Variants in ATP11A observed in about 807,000 individuals in gnomAD.
ATP11A encodes phospholipid-transporting ATPase IH.
A neutral mutation model predicts 154.4 loss-of-function variants in ATP11A; 81 were observed. The observed-to-expected ratio is 0.52, with a 90% CI of 0.44 to 0.63. The LOEUF (loss-of-function observed/expected upper bound fraction) is 0.63. Ranked by LOEUF, ATP11A falls within the 30% of genes least tolerant of loss-of-function variation. The probability of loss-of-function intolerance (pLI) is 0.00; values close to 1 mark genes in which losing one functional copy is unlikely to be tolerated. For synonymous variants in ATP11A, 623 were observed against 585.9 expected (o/e 1.06, Z -0.91); for missense variants, 1,316 against 1,474.3 (o/e 0.89, Z 1.76).
rs139886263 is a variant in ATP11A at position 112,878,240 on chromosome 13, C to A, written c.3351C>A (p.Val1117=). The change falls in exon 29 of 30, where the codon GTC becomes GTA. Residue 1117 remains valine (V), a synonymous_variant. Transcript: ENST00000375645. ...AGACTAAGAGCCAGTGCCTTTCTGTCGAGCAGTCAACCATCTTTATGCTTT... is the reference window on the plus strand; with the variant it reads ...AGACTAAGAGCCAGTGCCTTTCTGTAGAGCAGTCAACCATCTTTATGCTTT... The part of the protein sequence containing the change: ...RVQTKSQCLS[V]EQSTIFMLSQ... 4 of 1,614,110 alleles carry A rather than the reference C, an allele frequency of 2.5e-6. No individual in the cohort carries two copies. The African/African-American group carries it at 5.3e-5, about 22-fold the overall frequency.
chr13:112,781,028 G>A (rs992236802), intron 1 of ATP11A, among the ~76,000 whole-genome samples: 1 of 151,860 alleles, frequency 6.6e-6, no homozygotes, highest in Non-Finnish European at 1.5e-5. Flanking sequence ...ATGTGACCCC[G>A]TCTTTTGTTT....
chr13:112,809,738 A>G (rs1162678929), intron 4 of ATP11A, among the ~76,000 whole-genome samples: 1 of 152,186 alleles, frequency 6.6e-6, no homozygotes, highest in African/African-American at 2.4e-5. Flanking sequence ...GGCATTCCCC[A>G]TCCTTATCTA....
At chr13:112,843,112 C>T (rs1280494479) in intron 17 of ATP11A, among the ~76,000 whole-genome samples, 4 of 151,608 alleles carry the variant, frequency 2.6e-5, no homozygotes, top group Non-Finnish European at 4.4e-5. Context: ...TAACGCCGAG[C>T]GACGCATGGT....
intron 1 of ATP11A, among the ~76,000 whole-genome samples, chr13:112,728,472 C>T (rs1043842244): frequency 2.0e-5 from 3 of 150,114 alleles, no homozygotes; most frequent in Non-Finnish European, 4.4e-5. Flanking sequence ...GACCGTGCAG[C>T]CCGCTTCCCT....
intron 9 of ATP11A, 150 bp downstream of exon 9, chr13:112,823,559 T>A (rs2078856404): frequency 3.2e-6 from 2 of 616,604 alleles, no homozygotes; most frequent in South Asian, 4.1e-5. Flanking sequence ...CCACTGAGAT[T>A]TGATCAGTGA....
intron 1 of ATP11A, among the ~76,000 whole-genome samples, chr13:112,739,673 G>C (rs1196762259): frequency 6.6e-6 from 1 of 152,230 alleles, no homozygotes; most frequent in Non-Finnish European, 1.5e-5. Flanking sequence ...TCACACAGAT[G>C]TTCTTGTGTT....
In ATP11A at chr13:112,816,048, T is replaced by G. The variant is rs759124710; in HGVS notation, c.442-35T>G. ...GACGGGCAAGCTTTCACGGAGGGGC[T>G]TTCCATTGACCATCCTTTCTGCTTT... On this transcript the variant is annotated intron_variant, in intron 5 of 29. Coordinates refer to ENST00000375645, the MANE Select transcript of ATP11A (RefSeq NM_015205.3). 5.0e-6 allele frequency: 8 copies of G among 1,612,976 alleles called. No individual in the cohort carries two copies. In the Middle Eastern group the frequency reaches 1.0e-3, roughly 203 times the overall value.
chr13:112,875,866 C>T lies in ATP11A; in HGVS notation c.3252C>T (p.Thr1084=), dbSNP rs973360588. ...PAWLAIVLLV[T]ISLLPDVLKK... is the part of the protein sequence containing the mutation. The stretch of plus-strand genomic sequence containing the variant: ...GGCTGGCCATCGTGCTGCTGGTGAC[C>T]ATCAGCCTCCTTCCCGACGTCCTCA... The change falls in exon 28 of 30, where the codon ACC becomes ACT. Residue 1084 remains threonine (T), a synonymous_variant. Transcript: ENST00000375645. The surrounding 1 kb of genome is among the most constrained non-coding windows in gnomAD (Gnocchi z 4.1). 1 of 1,613,952 alleles carries T rather than the reference C, an allele frequency of 6.2e-7. No individual in the cohort carries two copies. Among genetic ancestry groups the T allele is most frequent in the Non-Finnish European group, 8.5e-7 (1 of 1,180,032 alleles).
Position 112,842,312 on chromosome 13 carries a change from C to T in ATP11A, c.1742C>T (p.Ser581Leu), listed in dbSNP as rs1450446541. 60 of 1,611,694 alleles carry T rather than the reference C, an allele frequency of 3.7e-5. No individual in the cohort carries two copies. The highest frequency in any genetic ancestry group is 4.8e-5 in the Non-Finnish European group (57 of 1,179,004). ...CTGTTTTGCAAAGGAGCAGATTCTTCGATATTCCCCCGAGTGATAGAAGGC... is the reference window on the plus strand; with the variant it reads ...CTGTTTTGCAAAGGAGCAGATTCTTTGATATTCCCCCGAGTGATAGAAGGC... ...IYLFCKGADS[S>L]IFPRVIEGKV... The change falls in exon 17 of 30, where the codon TCG (serine) becomes TTG (leucine). Residue 581 changes from serine (S) to leucine (L), a missense_variant. By Grantham distance (145) the Ser-to-Leu change is moderately radical. Around this residue, in one of 5 missense-constraint regions of ATP11A, gnomAD observed 876 missense variants for 1,006.8 expected, o/e 0.87. Transcript: ENST00000375645.
chr13:112,826,593 C>A, intron 11 of ATP11A, 101 bp from the exon 12 acceptor site: 1 of 943,642 alleles, frequency 1.1e-6, no homozygotes. Context: ...AGTAGTAGCG[C>A]TCGTATAACT....
At chr13:112,812,487 C>T (rs1222142066) in intron 5 of ATP11A, among the ~76,000 whole-genome samples, 1 of 152,154 alleles carries the variant, frequency 6.6e-6, no homozygotes, top group East Asian at 1.9e-4. Context: ...AGGTGCGTTC[C>T]AGAAGCCTGG....
Position 112,833,026 on chromosome 13 carries a change from AC to A in ATP11A, c.1559+4del, listed in dbSNP as rs1566546710. ...GCGCTGGTCGAAGGTGTCCAGAGGT[AC>A]GTCGCGGGCCAAGGGTCTGCCTGGG... is the stretch of plus-strand genomic sequence containing the variant. On this transcript the variant is annotated splice_donor_region_variant and intron_variant, in intron 14 of 29. Coordinates refer to ENST00000375645, the MANE Select transcript of ATP11A (RefSeq NM_015205.3). 6.2e-7 allele frequency: 1 copy of A among 1,609,828 alleles called. No individual in the cohort carries two copies. Among genetic ancestry groups the A allele is most frequent in the Non-Finnish European group, 8.5e-7 (1 of 1,177,922 alleles).
chr13:112,842,441 C>A, intron 17 of ATP11A, 62 bp downstream of exon 17: 1 of 1,203,094 alleles, frequency 8.3e-7, no homozygotes, highest in East Asian at 2.5e-5. Flanking sequence ...GGAAGGAATT[C>A]CATGTTCCAC....
At chr13:112,824,118 A>C (rs367931637) in intron 9 of ATP11A, among the ~76,000 whole-genome samples, 1 of 152,188 alleles carries the variant, frequency 6.6e-6, no homozygotes, top group South Asian at 2.1e-4. Flanking sequence ...ATATTAAGAT[A>C]TGAACTCTTA....
At chr13:112,721,912 C>T (rs889852709) in intron 1 of ATP11A, among the ~76,000 whole-genome samples, 2 of 152,192 alleles carry the variant, frequency 1.3e-5, no homozygotes, top group African/African-American at 4.8e-5. Context: ...CCGCTGGAGG[C>T]GCCAAGTGCA....
At chr13:112,779,733 C>T (rs1210336657) in intron 1 of ATP11A, among the ~76,000 whole-genome samples, 1 of 151,792 alleles carries the variant, frequency 6.6e-6, no homozygotes, top group Non-Finnish European at 1.5e-5. Context: ...GGCCAACACA[C>T]CATTTCTACT....
At position 112,816,241 on chromosome 13, in the gene ATP11A, C is replaced by G. The variant is rs748675103; in HGVS notation, c.570+30C>G. The G allele has an allele frequency of 1.2e-5, 19 of 1,613,788 alleles. No individual in the cohort carries two copies. The South Asian group carries it at 1.9e-4, about 16-fold the overall frequency. On this transcript the variant is annotated intron_variant, in intron 6 of 29. Coordinates refer to ENST00000375645, the MANE Select transcript of ATP11A (RefSeq NM_015205.3). The stretch of plus-strand genomic sequence containing the variant: ...GGGGCCTTTTCATTAGACTCCAGGG[C>G]AGGATCTTCCTGTCCTGCTTCGGAC...
intron 1 of ATP11A, among the ~76,000 whole-genome samples, chr13:112,734,135 A>C (rs1890763863): frequency 6.6e-6 from 1 of 152,160 alleles, no homozygotes. Flanking sequence ...GGCTTCACTA[A>C]CTGTGCTGCT....
At chr13:112,709,656 A>G (rs1056391794) in intron 1 of ATP11A, among the ~76,000 whole-genome samples, 1 of 152,234 alleles carries the variant, frequency 6.6e-6, no homozygotes, top group Non-Finnish European at 1.5e-5. Context: ...AAATTTACCT[A>G]TAGCCTGGAA....
Sources: gnomAD v4.1 joint callset for allele counts (sites outside exome capture counted in the v4.1 genomes callset) on GRCh38, gnomAD v4.1.1 for gene constraint, gnomAD v4.1.1 regional missense constraint, Gnocchi (gnomAD v3.1) non-coding constraint, MANE v1.5 for transcripts, NCBI Gene and HGNC (gene_info 2026-07-23, HGNC 2026-07-21) for gene names.